Variants in SPAG17 observed in about 807,000 individuals in gnomAD.
SPAG17 encodes the protein sperm associated antigen 17.
In SPAG17, 169 loss-of-function variants were observed where a neutral mutation model predicts 273.6. That is an observed-to-expected ratio of 0.62 (90% CI 0.55 to 0.70). The LOEUF is 0.70. Among genes scored for constraint, SPAG17 ranks in the 30% least tolerant of loss-of-function variants. The pLI is 0.00. For synonymous variants in SPAG17, 825 were observed against 873.2 expected (o/e 0.94, Z 0.97); for missense variants, 2,557 against 2,627.8 (o/e 0.97, Z 0.59).
chr1:118,143,037 G>C (rs1332701383), intron 3 of SPAG17, among the ~76,000 whole-genome samples: 1 of 152,024 alleles, frequency 6.6e-6, no homozygotes, highest in Non-Finnish European at 1.5e-5. Flanking sequence ...TTAACCATAA[G>C]AATTAAAAAA....
At chr1:118,153,155 A>T (rs1040404622) in intron 1 of SPAG17, among the ~76,000 whole-genome samples, 2 of 152,228 alleles carry the variant, frequency 1.3e-5, no homozygotes, top group African/African-American at 4.8e-5. Context: ...ATTTGGTGTC[A>T]AGGCAGGTGT....
At chr1:118,079,151 A>G (rs1428328749) in intron 15 of SPAG17, among the ~76,000 whole-genome samples, 2 of 152,026 alleles carry the variant, frequency 1.3e-5, no homozygotes, top group African/African-American at 2.4e-5. Context: ...GATTAGAATT[A>G]TTTCTTTCTT....
rs1224874912 is a variant in SPAG17 at position 118,028,135 on chromosome 1, A to G, written c.3730+139T>C. The G allele has an allele frequency of 7.0e-6, 7 of 1,006,036 alleles. No individual in the cohort carries two copies. In the East Asian group the frequency reaches 1.7e-4, roughly 25 times the overall value. The allele number at this position is 1,006,036 out of a possible 1,614,324, so 62.3% of individuals were successfully genotyped here. A position where few individuals can be genotyped will look rare whatever the true frequency, so the allele number is the denominator to read the frequency against. On this transcript the variant is annotated intron_variant, in intron 26 of 48. Transcript: ENST00000336338. ...TACTTAGACAGTGCCTGGCCATAGT[A>G]AATGCTACAAATGTGAAAACAGTCT...
chr1:118,016,708 C>T (rs1177826979), intron 28 of SPAG17, among the ~76,000 whole-genome samples: 4 of 152,198 alleles, frequency 2.6e-5, no homozygotes, highest in Admixed American at 6.5e-5. Context: ...TCACCAGCCA[C>T]GCATATCCCT....
At chr1:118,152,337 G>A (rs1659435042) in intron 1 of SPAG17, among the ~76,000 whole-genome samples, 1 of 152,088 alleles carries the variant, frequency 6.6e-6, no homozygotes, top group African/African-American at 2.4e-5. Flanking sequence ...TGGTCTCCTG[G>A]TGAATACCAA....
rs769814639 is a variant in SPAG17 at position 117,966,707 on chromosome 1, G to A, written c.6434C>T (p.Thr2145Ile). Residue 2145 changes from threonine (T) to isoleucine (I), a missense_variant, in exon 47 of 49, where the codon ACA becomes ATA. Coordinates refer to ENST00000336338, the MANE Select transcript of SPAG17 (RefSeq NM_206996.4). ...QTELNIELFA[T>I]AVGEDGAKGS... ...CTTGGCCCCATCCTCTCCAACAGCT[G>A]TGGCAAATAACTCTATATTCAGTTC... 1.2e-6 allele frequency: 2 copies of A among 1,614,022 alleles called. No individual in the cohort carries two copies. Among genetic ancestry groups the A allele is most frequent in the Admixed American group, 1.7e-5 (1 of 59,974 alleles).
At chr1:118,055,941 T>C (rs776656177) in intron 18 of SPAG17, 27 bp from the exon 19 acceptor site, 3 of 1,569,834 alleles carry the variant, frequency 1.9e-6, no homozygotes, top group South Asian at 1.2e-5. Flanking sequence ...CAGACGTCAA[T>C]TGAGTTACTA....
At chr1:118,157,832 C>A (rs1659726337) in intron 1 of SPAG17, among the ~76,000 whole-genome samples, 1 of 152,154 alleles carries the variant, frequency 6.6e-6, no homozygotes, top group African/African-American at 2.4e-5. Context: ...ATAGAAAGCC[C>A]TTCTCAGTAC....
At chr1:117,960,595 T>G (rs1463540637) in intron 48 of SPAG17, 2 of 152,220 alleles carry the variant, frequency 1.3e-5, no homozygotes, top group East Asian at 1.9e-4. Context: ...ACTGGGGCGA[T>G]GAGTTGTTCA....
At chr1:118,005,306 A>C (rs947944160) in intron 32 of SPAG17, 108 bp downstream of exon 32, 3 of 929,248 alleles carry the variant, frequency 3.2e-6, no homozygotes. Context: ...TAAGTGGATA[A>C]TTAATCCCAA....
intron 1 of SPAG17, among the ~76,000 whole-genome samples, chr1:118,182,628 G>A (rs1661002007): frequency 6.6e-6 from 1 of 152,138 alleles, no homozygotes; most frequent in Admixed American, 6.5e-5. Flanking sequence ...TTCCTTGACG[G>A]AATTAATTTA....
At chr1:118,040,136 G>A (rs1272899415) in intron 22 of SPAG17, among the ~76,000 whole-genome samples, 1 of 152,012 alleles carries the variant, frequency 6.6e-6, no homozygotes, top group Non-Finnish European at 1.5e-5. Flanking sequence ...TTAGTGTTTG[G>A]ACTCATTTCC....
intron 42 of SPAG17, 28 bp from the exon 43 acceptor site, chr1:117,981,429 A>G: frequency 1.3e-6 from 2 of 1,577,582 alleles, no homozygotes; most frequent in Non-Finnish European, 1.7e-6. Context: ...AACCTTATAA[A>G]GTGATATTTT....
intron 4 of SPAG17, among the ~76,000 whole-genome samples, chr1:118,105,202 C>T (rs919944065): frequency 3.9e-5 from 6 of 151,982 alleles, no homozygotes; most frequent in African/African-American, 1.5e-4. Flanking sequence ...GAGGCAAAGT[C>T]ATCAACTGAG....
At chr1:118,027,023 C>T (rs954660577) in intron 26 of SPAG17, among the ~76,000 whole-genome samples, 4 of 152,074 alleles carry the variant, frequency 2.6e-5, no homozygotes, top group Non-Finnish European at 4.4e-5. Flanking sequence ...GATAATGAAA[C>T]TAATAGAAAA....
intron 25 of SPAG17, among the ~76,000 whole-genome samples, chr1:118,028,698 C>T (rs1045722566): frequency 6.6e-5 from 10 of 152,006 alleles, no homozygotes; most frequent in African/African-American, 2.2e-4. Context: ...TTGAAGTGGG[C>T]CTTGAAAGAT....
At position 118,091,836 on chromosome 1, in the gene SPAG17, T is replaced by G. The variant is rs539139201; in HGVS notation, c.1246+94A>C. 94 of 1,399,936 alleles carry G rather than the reference T, an allele frequency of 6.7e-5. No homozygotes were observed. The African/African-American group carries it at 8.9e-4, about 13-fold the overall frequency. 86.7% of individuals were successfully genotyped at this position (1,399,936 alleles called of 1,614,324 possible). A position where few individuals can be genotyped will look rare whatever the true frequency, so the allele number is the denominator to read the frequency against. ...CACTAATAAATGCAGGAGCTGTAGGTGAAGGGAGGCTGAAAGTAATATGGA... is the reference window on the plus strand; with the variant it reads ...CACTAATAAATGCAGGAGCTGTAGGGGAAGGGAGGCTGAAAGTAATATGGA... On this transcript the variant is annotated intron_variant, in intron 9 of 48. Transcript: ENST00000336338.
chr1:118,002,651 C>CT (rs890812956), intron 32 of SPAG17, among the ~76,000 whole-genome samples: 19 of 151,234 alleles, frequency 1.3e-4, no homozygotes, highest in Middle Eastern at 3.4e-3. Flanking sequence ...GCAACCCCTG[C>CT]TTTTTTTTTG....
intron 29 of SPAG17, among the ~76,000 whole-genome samples, chr1:118,015,189 G>T (rs553866482): frequency 6.6e-6 from 1 of 151,828 alleles, no homozygotes; most frequent in South Asian, 2.1e-4. Context: ...GGAGGCTGAG[G>T]CAGGAGAATT....
Sources: gnomAD v4.1 joint callset for allele counts (sites outside exome capture counted in the v4.1 genomes callset) on GRCh38, gnomAD v4.1.1 for gene constraint, MANE v1.5 for transcripts, NCBI Gene and HGNC (gene_info 2026-07-23, HGNC 2026-07-21) for gene names.